CHURC1: variants seen among roughly 807,000 people sequenced by gnomAD.
CHURC1 encodes protein Churchill.
CHURC1 carries 12 observed loss-of-function variants against 15.4 expected under a neutral mutation model. The observed-to-expected ratio is 0.78, with a 90% CI of 0.50 to 1.27. The LOEUF (loss-of-function observed/expected upper bound fraction) is 1.27. CHURC1 is among the 50% of genes most tolerant of loss of function. The pLI, the probability that CHURC1 is intolerant of heterozygous loss-of-function variation, is 0.00. For synonymous variants in CHURC1, 42 were observed against 47.5 expected (o/e 0.88, Z 0.48); for missense variants, 132 against 137.8 (o/e 0.96, Z 0.21).
chr14:64,929,249 C>G (rs542946538), intron 3 of CHURC1, among the ~76,000 whole-genome samples: 1 of 152,150 alleles, frequency 6.6e-6, no homozygotes, highest in Non-Finnish European at 1.5e-5. Flanking sequence ...TGTCCATATT[C>G]ATGCCTTTTC....
chr14:64,925,872 T>C (rs889975026), intron 2 of CHURC1, 138 bp from the exon 3 acceptor site: 11 of 517,068 alleles, frequency 2.1e-5, no homozygotes, highest in Non-Finnish European at 3.6e-5. Context: ...AGGTAGATAC[T>C]ATAATGGGTT....
intron 1 of CHURC1, among the ~76,000 whole-genome samples, chr14:64,920,456 G>GCCTCATCTAATAAAAGA (rs1487585965): frequency 6.6e-6 from 1 of 152,146 alleles, no homozygotes; most frequent in East Asian, 1.9e-4. Flanking sequence ...TAATAGTCTT[G>GCCTCATCTAATAAAAGA]CCTCATCTAA....
intron 1 of CHURC1, among the ~76,000 whole-genome samples, chr14:64,923,440 C>G (rs1162506828): frequency 6.6e-6 from 1 of 152,130 alleles, no homozygotes; most frequent in African/African-American, 2.4e-5. Flanking sequence ...TTAAGCTTCT[C>G]TGCCTCAATC....
intron 1 of CHURC1, among the ~76,000 whole-genome samples, chr14:64,919,981 A>T (rs1160832605): frequency 6.6e-6 from 1 of 152,036 alleles, no homozygotes; most frequent in Non-Finnish European, 1.5e-5. Context: ...AGTAGAAAAT[A>T]CTGAGAGAAT....
In CHURC1 at chr14:64,933,525, T is replaced by A; in HGVS notation, c.*1295T>A. 1 of 979,410 alleles carries A rather than the reference T, an allele frequency of 1.0e-6. No individual in the cohort carries two copies. Among genetic ancestry groups the A allele is most frequent in the Non-Finnish European group, 1.2e-6 (1 of 824,438 alleles). The allele number at this position is 979,410 out of a possible 1,614,324, so 60.7% of individuals were successfully genotyped here. A position where few individuals can be genotyped will look rare whatever the true frequency, so the allele number is the denominator to read the frequency against. On this transcript the variant is annotated 3_prime_UTR_variant, in exon 4 of 4. Coordinates refer to ENST00000549115, the MANE Select transcript of CHURC1 (RefSeq NM_001386928.1). ...AGCATTACTCTGGACTTTATTGTCCTGTTTCTATCAAATTGGACTAACAAA... is the reference window on the plus strand; with the variant it reads ...AGCATTACTCTGGACTTTATTGTCCAGTTTCTATCAAATTGGACTAACAAA...
At chr14:64,918,326 T>G (rs1053758010) in intron 1 of CHURC1, among the ~76,000 whole-genome samples, 6 of 152,202 alleles carry the variant, frequency 3.9e-5, no homozygotes, top group Non-Finnish European at 8.8e-5. Flanking sequence ...ATAAAGAACA[T>G]TCTGACATTT....
At position 64,932,520 on chromosome 14, in the gene CHURC1, T is replaced by C; in HGVS notation, c.*290T>C. 1 of 1,083,320 alleles carries C rather than the reference T, an allele frequency of 9.2e-7. No individual in the cohort carries two copies. The highest frequency in any genetic ancestry group is 1.1e-6 in the Non-Finnish European group (1 of 890,380). 67.1% of individuals were successfully genotyped at this position (1,083,320 alleles called of 1,614,324 possible). On this transcript the variant is annotated 3_prime_UTR_variant, in exon 4 of 4. Transcript: ENST00000549115. The stretch of plus-strand genomic sequence containing the variant: ...TGGGAGCACACCTGGTGCCCAGATT[T>C]TGGTTTCCAATAAAAGGAACCAGGA...
intron 1 of CHURC1, among the ~76,000 whole-genome samples, chr14:64,921,728 G>A (rs1160989505): frequency 6.6e-6 from 1 of 152,174 alleles, no homozygotes; most frequent in African/African-American, 2.4e-5. Flanking sequence ...AAACCATTTG[G>A]CAGTTTCTTG....
chr14:64,924,331 T>A, intron 2 of CHURC1: 2 of 499,054 alleles, frequency 4.0e-6, no homozygotes, highest in Non-Finnish European at 6.0e-6. Context: ...TGCAGATAAC[T>A]AAAGCTTACG....
intron 1 of CHURC1, among the ~76,000 whole-genome samples, chr14:64,917,668 T>C (rs987950137): frequency 6.6e-6 from 1 of 152,102 alleles, no homozygotes; most frequent in Non-Finnish European, 1.5e-5. Flanking sequence ...GAGGTTGCAG[T>C]GAGCCATGAT....
At position 64,914,665 on chromosome 14, in the gene CHURC1, G is replaced by T. The variant is rs977186630; in HGVS notation, c.39+131G>T. ...TGCCGGTCCCGGTGACCCAGTAGCG[G>T]TATTTAGGCACACCAGGGATGGCCT... is the stretch of plus-strand genomic sequence containing the variant. On this transcript the variant is annotated intron_variant, in intron 1 of 3. Transcript: ENST00000549115. 3.4e-5 allele frequency: 52 copies of T among 1,520,050 alleles called. No homozygotes were observed. The Middle Eastern group carries it at 6.4e-4, about 19-fold the overall frequency. The allele number at this position is 1,520,050 out of a possible 1,614,324, so 94.2% of individuals were successfully genotyped here.
At chr14:64,922,453 C>T (rs927345029) in intron 1 of CHURC1, among the ~76,000 whole-genome samples, 1 of 151,876 alleles carries the variant, frequency 6.6e-6, no homozygotes, top group African/African-American at 2.4e-5. Flanking sequence ...TGGCGGGCAC[C>T]TGTAGTCCCA....
At chr14:64,931,033 A>G (rs761967920) in intron 3 of CHURC1, 48 of 310,438 alleles carry the variant, frequency 1.5e-4, no homozygotes, top group Non-Finnish European at 2.0e-4. Flanking sequence ...CTCTCTAGTG[A>G]CTGTCTAAAC....
chr14:64,933,693 G>T lies in CHURC1; in HGVS notation c.*1463G>T. The T allele has an allele frequency of 1.0e-6, 1 of 985,410 alleles. No homozygotes were observed. The highest frequency in any genetic ancestry group is 1.2e-6 in the Non-Finnish European group (1 of 829,936). 61.0% of individuals were successfully genotyped at this position (985,410 alleles called of 1,614,324 possible). ...TCATTCTGAGACCTAAATTTAAAGGGTCAGGCATTAGAAACAAAAGTGTTT... is the reference window on the plus strand; with the variant it reads ...TCATTCTGAGACCTAAATTTAAAGGTTCAGGCATTAGAAACAAAAGTGTTT... On this transcript the variant is annotated 3_prime_UTR_variant, in exon 4 of 4. Transcript: ENST00000549115.
chr14:64,934,466 G>T lies in CHURC1; in HGVS notation c.*2236G>T. ...TATGTTTGGCAAATATGAAATACAA[G>T]GATCTGGCAAGGTTAGGAAGAGGTT... On this transcript the variant is annotated 3_prime_UTR_variant, in exon 4 of 4. Transcript: ENST00000549115. 1.0e-6 allele frequency: 1 copy of T among 985,436 alleles called. No individual in the cohort carries two copies. Among genetic ancestry groups the T allele is most frequent in the Non-Finnish European group, 1.2e-6 (1 of 829,928 alleles). The allele number at this position is 985,436 out of a possible 1,614,324, so 61.0% of individuals were successfully genotyped here. A position where few individuals can be genotyped will look rare whatever the true frequency, so the allele number is the denominator to read the frequency against.
Position 64,934,483 on chromosome 14 carries a change from G to A in CHURC1, c.*2253G>A. 2 of 985,468 alleles carry A rather than the reference G, an allele frequency of 2.0e-6. No individual in the cohort carries two copies. The highest frequency in any genetic ancestry group is 9.4e-5 in the South Asian group (2 of 21,294). 61.0% of individuals were successfully genotyped at this position (985,468 alleles called of 1,614,324 possible). ...AAATACAAGGATCTGGCAAGGTTAG[G>A]AAGAGGTTAAGAATATCAGTGACAG... On this transcript the variant is annotated 3_prime_UTR_variant, in exon 4 of 4. Coordinates refer to ENST00000549115, the MANE Select transcript of CHURC1 (RefSeq NM_001386928.1).
intron 1 of CHURC1, among the ~76,000 whole-genome samples, chr14:64,918,720 C>T (rs1566827373): frequency 6.6e-6 from 1 of 152,136 alleles, no homozygotes; most frequent in Non-Finnish European, 1.5e-5. Flanking sequence ...GTTCCACCTA[C>T]TTGGGAAGAG....
At chr14:64,928,931 G>T (rs1884914858) in intron 3 of CHURC1, among the ~76,000 whole-genome samples, 1 of 152,100 alleles carries the variant, frequency 6.6e-6, no homozygotes, top group South Asian at 2.1e-4. Flanking sequence ...CATGTACTCA[G>T]TCTCAGTAGA....
At chr14:64,930,903 T>C in intron 3 of CHURC1, 1 of 449,950 alleles carries the variant, frequency 2.2e-6, no homozygotes, top group Non-Finnish European at 4.4e-6. Context: ...TTTTAATTCA[T>C]AAAGCCATCT....
Sources: allele counts gnomAD v4.1 joint callset (sites outside exome capture counted in the v4.1 genomes callset), GRCh38; gene constraint gnomAD v4.1.1; transcripts MANE v1.5; gene names NCBI Gene and HGNC (gene_info 2026-07-23, HGNC 2026-07-21).